IFTAP: variants seen among roughly 807,000 people sequenced by gnomAD.
IFTAP encodes the protein intraflagellar transport-associated protein.
In IFTAP, 19 loss-of-function variants were observed where a neutral mutation model predicts 19.4. The ratio of observed to expected loss-of-function variants is 0.98; its 90% CI spans 0.68 to 1.44. The LOEUF (loss-of-function observed/expected upper bound fraction) is 1.44. Ranked by LOEUF, IFTAP falls within the 40% of genes most tolerant of loss-of-function variation. The pLI is 0.00. For missense variants in IFTAP, 240 were observed against 253.6 expected, an observed-to-expected ratio of 0.95 and a Z score of 0.36; for synonymous variants, 85 against 83.5, an observed-to-expected ratio of 1.02 and a Z score of -0.10.
At position 36,648,016 on chromosome 11, in the gene IFTAP, A is replaced by G. The variant is rs377350790; in HGVS notation, c.359A>G (p.Asp120Gly). The change falls in exon 5 of 6, where the codon GAT (aspartate) becomes GGT (glycine). Residue 120 changes from aspartate to glycine, a missense_variant and splice_region_variant. By Grantham distance (94) the Asp-to-Gly change is moderately conservative. Transcript: ENST00000334307. ...DEEIKPQMSE[D>G]LLLLPGEVEQ... is the part of the protein sequence containing the mutation. ...AGTTGAAATGTTTTGTATCCAACAG[A>G]TTTGCTGCTGCTTCCAGGAGAAGTG... 9 of 1,612,250 alleles carry G rather than the reference A, an allele frequency of 5.6e-6. No homozygotes were observed. The African/African-American group carries it at 1.2e-4, about 22-fold the overall frequency.
intron 5 of IFTAP, among the ~76,000 whole-genome samples, chr11:36,650,273 T>A (rs898281084): frequency 5.3e-5 from 8 of 152,154 alleles, no homozygotes; most frequent in African/African-American, 1.9e-4. Context: ...GCTGAAAATG[T>A]ATTCTGGATG....
rs562338847 is a variant in IFTAP at position 36,631,052 on chromosome 11, C to A, written c.137-2232C>A. ...TGGAAGAAGTCAGGGAGACTAAGTC[C>A]TAAGACCATTTCTTCCTCATTTATC... On this transcript the variant is annotated intron_variant, in intron 2 of 5. Coordinates refer to ENST00000334307, the MANE Select transcript of IFTAP (RefSeq NM_138787.4). Among the ~76,000 whole-genome samples the A allele has an allele frequency of 2.6e-5, 4 of 151,550 alleles. No homozygotes were observed. In the East Asian group the frequency reaches 7.7e-4, roughly 29 times the overall value.
intron 2 of IFTAP, among the ~76,000 whole-genome samples, chr11:36,625,435 T>C (rs940707778): frequency 2.0e-5 from 3 of 152,216 alleles, no homozygotes; most frequent in Non-Finnish European, 4.4e-5. Context: ...AAGAAGTAAC[T>C]TGCTTTTTCA....
intron 4 of IFTAP, among the ~76,000 whole-genome samples, chr11:36,646,396 G>A (rs1195353291): frequency 2.6e-5 from 4 of 152,166 alleles, no homozygotes; most frequent in African/African-American, 9.7e-5. Flanking sequence ...GTTACACGAG[G>A]ACGCTCAGTG....
intron 2 of IFTAP, among the ~76,000 whole-genome samples, chr11:36,630,087 C>T (rs1281368736): frequency 2.0e-5 from 3 of 151,292 alleles, no homozygotes; most frequent in South Asian, 4.2e-4. Flanking sequence ...CCTTGGGTGG[C>T]ACATTTGGAT....
chr11:36,641,984 A>T (rs1312168990), intron 4 of IFTAP, among the ~76,000 whole-genome samples: 3 of 152,112 alleles, frequency 2.0e-5, no homozygotes, highest in Non-Finnish European at 2.9e-5. Flanking sequence ...TATATTTAAG[A>T]TAGTTAGCTC....
chr11:36,595,429 G>C (rs748734959), intron 1 of IFTAP, among the ~76,000 whole-genome samples: 2 of 152,150 alleles, frequency 1.3e-5, no homozygotes, highest in Non-Finnish European at 2.9e-5. Context: ...CTCCGTGTTT[G>C]CAGTGTGATG....
At chr11:36,649,024 G>T (rs1289559614) in intron 5 of IFTAP, among the ~76,000 whole-genome samples, 2 of 152,122 alleles carry the variant, frequency 1.3e-5, no homozygotes, top group Non-Finnish European at 2.9e-5. Context: ...AGTGCTGGTA[G>T]TGACCTTTCT....
chr11:36,601,125 G>A (rs563762529), intron 1 of IFTAP, among the ~76,000 whole-genome samples: 1 of 152,288 alleles, frequency 6.6e-6, no homozygotes, highest in East Asian at 1.9e-4. Context: ...AAACTTCATT[G>A]TCTCTCAGTG....
intron 5 of IFTAP, among the ~76,000 whole-genome samples, chr11:36,653,999 T>C (rs575033565): frequency 1.3e-5 from 2 of 152,288 alleles, no homozygotes; most frequent in African/African-American, 2.4e-5. Context: ...TTTCCTATCC[T>C]TAACAAAATG....
intron 5 of IFTAP, among the ~76,000 whole-genome samples, chr11:36,652,478 G>T (rs893393769): frequency 6.6e-6 from 1 of 152,038 alleles, no homozygotes; most frequent in Non-Finnish European, 1.5e-5. Flanking sequence ...TTTCTAGATA[G>T]ACAATCATAT....
chr11:36,599,345 C>A (rs539280870), intron 1 of IFTAP, among the ~76,000 whole-genome samples: 4 of 152,270 alleles, frequency 2.6e-5, no homozygotes, highest in Admixed American at 2.6e-4. Flanking sequence ...TTTACCTAAC[C>A]TTCCACTATT....
At chr11:36,596,733 A>G (rs1170163951) in intron 1 of IFTAP, among the ~76,000 whole-genome samples, 1 of 152,226 alleles carries the variant, frequency 6.6e-6, no homozygotes, top group East Asian at 1.9e-4. Context: ...CAAGCCATAC[A>G]GTGGTAATGG....
At chr11:36,633,484 G>T in intron 3 of IFTAP, 46 bp downstream of exon 3, 4 of 1,362,874 alleles carry the variant, frequency 2.9e-6, no homozygotes, top group Middle Eastern at 1.9e-4. Flanking sequence ...CAGAAGAAAA[G>T]AATTCTTCAT....
chr11:36,615,035 G>A (rs1471172273), intron 2 of IFTAP, among the ~76,000 whole-genome samples: 1 of 136,032 alleles, frequency 7.4e-6, no homozygotes, highest in Non-Finnish European at 1.6e-5. Flanking sequence ...TTTTCTTCTA[G>A]GGTTTTTATG....
intron 4 of IFTAP, among the ~76,000 whole-genome samples, chr11:36,643,607 G>C (rs569065850): frequency 6.6e-6 from 1 of 152,268 alleles, no homozygotes; most frequent in Admixed American, 6.5e-5. Flanking sequence ...ATAGTACAAG[G>C]CTACAGTAAC....
At position 36,636,083 on chromosome 11, in the gene IFTAP, C is replaced by T. The variant is rs143974880; in HGVS notation, c.324C>T (p.Asp108=). The part of the protein sequence containing the change: ...VDNFLDLEDL[D]MDEEIKPQMS... The stretch of plus-strand genomic sequence containing the variant: ...ATTTCCTAGATTTAGAAGATTTGGA[C>T]ATGGATGAAGAGATTAAACCCCAAA... Residue 108 remains aspartate (D), a synonymous_variant, in exon 4 of 6, where the codon GAC becomes GAT. Coordinates refer to ENST00000334307, the MANE Select transcript of IFTAP (RefSeq NM_138787.4). 2 of 1,608,632 alleles carry T rather than the reference C, an allele frequency of 1.2e-6. No homozygotes were observed. The highest frequency in any genetic ancestry group is 1.7e-6 in the Non-Finnish European group (2 of 1,175,228).
At chr11:36,640,173 A>G (rs12271660) in intron 4 of IFTAP, among the ~76,000 whole-genome samples, 20,602 of 152,138 alleles carry the variant, frequency 0.14, 2,139 homozygotes, top group African/African-American at 0.29. Context: ...CAGAAACCCT[A>G]AGGTTGGCAG....
At chr11:36,634,239 G>T (rs1852850376) in intron 3 of IFTAP, among the ~76,000 whole-genome samples, 2 of 152,108 alleles carry the variant, frequency 1.3e-5, no homozygotes, top group African/African-American at 4.8e-5. Context: ...TTGAGGAACA[G>T]AGAATGGTTG....
Sources: allele counts gnomAD v4.1 joint callset (sites outside exome capture counted in the v4.1 genomes callset), GRCh38; gene constraint gnomAD v4.1.1; transcripts MANE v1.5; gene names NCBI Gene and HGNC (gene_info 2026-07-23, HGNC 2026-07-21).